The following RNF180 variants were observed in gnomAD, a reference collection of about 807,000 sequenced individuals.
RNF180 encodes E3 ubiquitin-protein ligase RNF180.
A neutral mutation model predicts 59.2 loss-of-function variants in RNF180; 38 were observed. The ratio of observed to expected loss-of-function variants is 0.64; its 90% CI spans 0.50 to 0.84. RNF180 has a LOEUF of 0.84. Among genes scored for constraint, RNF180 ranks in the 40% least tolerant of loss-of-function variants. The pLI is 0.00. For missense variants in RNF180, 705 were observed against 700.9 expected, an observed-to-expected ratio of 1.01 and a Z score of -0.07; for synonymous variants, 262 against 240.3, an observed-to-expected ratio of 1.09 and a Z score of -0.84.
chr5:64,306,339 T>C (rs763201601), intron 5 of RNF180, among the ~76,000 whole-genome samples: 1 of 151,630 alleles, frequency 6.6e-6, no homozygotes, highest in Non-Finnish European at 1.5e-5. Context: ...AAATAATATA[T>C]GTAAAAAACT....
chr5:64,225,866 C>T (rs1257339245), intron 5 of RNF180, among the ~76,000 whole-genome samples: 7 of 144,836 alleles, frequency 4.8e-5, no homozygotes, highest in East Asian at 2.1e-4. Flanking sequence ...CCGGCCGCCC[C>T]GTCTGGGAAG....
intron 5 of RNF180, among the ~76,000 whole-genome samples, chr5:64,227,383 G>A (rs1038468695): frequency 6.6e-6 from 1 of 152,154 alleles, no homozygotes; most frequent in African/African-American, 2.4e-5. Context: ...ACCAGCCTGT[G>A]GGGGGTCTGA....
intron 7 of RNF180, among the ~76,000 whole-genome samples, chr5:64,360,611 A>C (rs1297074597): frequency 6.6e-6 from 1 of 151,720 alleles, no homozygotes; most frequent in African/African-American, 2.4e-5. Flanking sequence ...AAAGAGGAAG[A>C]ATTCTATTTT....
At chr5:64,224,984 TC>T (rs1277244517) in intron 5 of RNF180, among the ~76,000 whole-genome samples, 1 of 152,210 alleles carries the variant, frequency 6.6e-6, no homozygotes, top group African/African-American at 2.4e-5. Flanking sequence ...GCTGCTGGCC[TC>T]CCAAACTGTG....
At chr5:64,198,000 C>T (rs1171473289) in intron 1 of RNF180, among the ~76,000 whole-genome samples, 3 of 152,032 alleles carry the variant, frequency 2.0e-5, no homozygotes, top group Non-Finnish European at 4.4e-5. Context: ...AGGAGCCAAC[C>T]ATGCAGAGAC....
intron 5 of RNF180, among the ~76,000 whole-genome samples, chr5:64,277,741 A>AG (rs951666426): frequency 1.1e-4 from 16 of 152,294 alleles, no homozygotes; most frequent in African/African-American, 3.8e-4. Flanking sequence ...TGGAAATACC[A>AG]GGGACAAATC....
At chr5:64,304,727 G>C (rs1420010455) in intron 5 of RNF180, among the ~76,000 whole-genome samples, 1 of 151,654 alleles carries the variant, frequency 6.6e-6, no homozygotes, top group South Asian at 2.1e-4. Context: ...TGGTTGAAAT[G>C]ACAATTTAGG....
intron 5 of RNF180, among the ~76,000 whole-genome samples, chr5:64,318,778 G>A (rs1744194265): frequency 6.6e-6 from 1 of 152,086 alleles, no homozygotes; most frequent in Non-Finnish European, 1.5e-5. Context: ...GAATTTCTAG[G>A]CAGTAAAAAA....
At chr5:64,315,931 A>G (rs891429354) in intron 5 of RNF180, among the ~76,000 whole-genome samples, 8 of 152,052 alleles carry the variant, frequency 5.3e-5, no homozygotes, top group African/African-American at 1.2e-4. Context: ...TTTTTTTCCC[A>G]TAAGTGAGTA....
At chr5:64,277,206 A>G (rs934902475) in intron 5 of RNF180, among the ~76,000 whole-genome samples, 10 of 151,488 alleles carry the variant, frequency 6.6e-5, no homozygotes, top group Non-Finnish European at 1.2e-4. Flanking sequence ...AAAAAAAAAA[A>G]AGAGACCGCA....
chr5:64,202,313 G>A (rs1751794950), intron 2 of RNF180, among the ~76,000 whole-genome samples: 1 of 152,170 alleles, frequency 6.6e-6, no homozygotes, highest in African/African-American at 2.4e-5. Flanking sequence ...TTTATGTTTT[G>A]CATGTGTCAG....
intron 7 of RNF180, among the ~76,000 whole-genome samples, chr5:64,335,790 G>A (rs1325620742): frequency 2.0e-5 from 3 of 152,044 alleles, no homozygotes; most frequent in African/African-American, 4.8e-5. Context: ...ACCTGGTCAA[G>A]CTGCATGAAA....
chr5:64,313,426 T>C (rs141100541), intron 5 of RNF180, among the ~76,000 whole-genome samples: 5 of 152,184 alleles, frequency 3.3e-5, no homozygotes, highest in African/African-American at 1.2e-4. Context: ...TTCTGTTCTG[T>C]GTTAGTTTGC....
rs77532712 is a variant in RNF180 at position 64,294,807 on chromosome 5, A to G, written c.1228-30379A>G. ...TTTTTTGCTGTAAACTTTACCTACA[A>G]TGAAATCCATAAATCTTAGATGTTC... is the stretch of plus-strand genomic sequence containing the variant. On this transcript the variant is annotated intron_variant, in intron 5 of 7. Transcript: ENST00000389100. Among the ~76,000 whole-genome samples, 1,305 of 152,300 alleles carry G rather than the reference A, an allele frequency of 8.6e-3. 17 individuals are homozygous for G. The highest frequency in any genetic ancestry group is 0.03 in the African/African-American group (1,244 of 41,582).
chr5:64,291,704 G>A (rs1055651081), intron 5 of RNF180, among the ~76,000 whole-genome samples: 1 of 152,020 alleles, frequency 6.6e-6, no homozygotes, highest in African/African-American at 2.4e-5. Flanking sequence ...TAGGATTACA[G>A]GCGTGAGCCA....
At chr5:64,314,184 T>G (rs1934337022) in intron 5 of RNF180, among the ~76,000 whole-genome samples, 1 of 152,132 alleles carries the variant, frequency 6.6e-6, no homozygotes, top group Admixed American at 6.6e-5. Flanking sequence ...ACTTGTGGTG[T>G]CTTAGCACTC....
chr5:64,200,695 A>T (rs564471679), intron 1 of RNF180, 113 bp from the exon 2 acceptor site: 2 of 841,718 alleles, frequency 2.4e-6, no homozygotes, highest in Admixed American at 5.3e-5. Flanking sequence ...TACCTTAATA[A>T]ATGATAGTTC....
At chr5:64,170,713 G>A (rs1749892901) in intron 1 of RNF180, among the ~76,000 whole-genome samples, 1 of 152,134 alleles carries the variant, frequency 6.6e-6, no homozygotes, top group African/African-American at 2.4e-5. Context: ...ATTTTTTAAG[G>A]TCTGTGGCTT....
chr5:64,359,817 G>A (rs1259655923), intron 7 of RNF180, among the ~76,000 whole-genome samples: 2 of 152,006 alleles, frequency 1.3e-5, no homozygotes, highest in South Asian at 2.1e-4. Context: ...TTTGTATAAG[G>A]TGTAAGGAAG....
Sources: gnomAD v4.1 joint callset for allele counts (sites outside exome capture counted in the v4.1 genomes callset) on GRCh38, gnomAD v4.1.1 for gene constraint, MANE v1.5 for transcripts, NCBI Gene and HGNC (gene_info 2026-07-23, HGNC 2026-07-21) for gene names.